The following SGCG variants were observed in gnomAD, a reference collection of about 807,000 sequenced individuals.
SGCG encodes gamma-sarcoglycan.
SGCG carries 26 observed loss-of-function variants against 29.3 expected under a neutral mutation model. The observed-to-expected ratio is 0.89, with a 90% CI of 0.65 to 1.23. The LOEUF is 1.23. Among genes scored for constraint, SGCG ranks in the 50% most tolerant of loss-of-function variants. The pLI is 0.00. For missense variants in SGCG, 353 were observed against 356.0 expected (o/e 0.99, Z 0.07); for synonymous variants, 145 against 129.7 (o/e 1.12, Z -0.80).
At chr13:23,272,662 T>C (rs956613169) in intron 4 of SGCG, among the ~76,000 whole-genome samples, 1 of 152,226 alleles carries the variant, frequency 6.6e-6, no homozygotes, top group Admixed American at 6.5e-5. Context: ...TTACTTTCAA[T>C]ACTCTGGAAT....
chr13:23,219,253 T>C (rs1053933780), intron 2 of SGCG, among the ~76,000 whole-genome samples: 1 of 152,074 alleles, frequency 6.6e-6, no homozygotes, highest in African/African-American at 2.4e-5. Context: ...TTCATCGTGT[T>C]AGCCAGGATG....
intron 4 of SGCG, among the ~76,000 whole-genome samples, chr13:23,252,660 C>T (rs922196850): frequency 1.3e-5 from 2 of 152,068 alleles, no homozygotes; most frequent in East Asian, 3.9e-4. Flanking sequence ...CACTGCACTC[C>T]AGCCTGGGCG....
At chr13:23,180,012 G>A (rs1025784818), upstream of SGCG, among the ~76,000 whole-genome samples, 2 of 151,880 alleles carry the variant, frequency 1.3e-5, no homozygotes, top group South Asian at 2.1e-4. Flanking sequence ...ACAGTTTTCC[G>A]AACCCCACCT....
At chr13:23,254,566 A>G (rs931291859) in intron 4 of SGCG, among the ~76,000 whole-genome samples, 2 of 152,230 alleles carry the variant, frequency 1.3e-5, no homozygotes, top group African/African-American at 4.8e-5. Context: ...AAGTTTGGAA[A>G]ATTTGCTGAT....
chr13:23,272,094 C>A (rs1880894862), intron 4 of SGCG, among the ~76,000 whole-genome samples: 2 of 152,116 alleles, frequency 1.3e-5, no homozygotes, highest in South Asian at 4.1e-4. Context: ...ATTATATCAT[C>A]TGCAAATATA....
chr13:23,244,595 C>G (rs1879627917), intron 3 of SGCG: 1 of 152,118 alleles, frequency 6.6e-6, no homozygotes, highest in Admixed American at 6.5e-5. Context: ...CACATTGTAA[C>G]CAGTGCGCAC....
At chr13:23,307,785 G>T (rs1882413046) in intron 6 of SGCG, among the ~76,000 whole-genome samples, 1 of 152,048 alleles carries the variant, frequency 6.6e-6, no homozygotes. Context: ...GCTCATCATT[G>T]TCATAAATCA....
chr13:23,161,705 C>G, the SGCG span, among the ~76,000 whole-genome samples: 1 of 152,216 alleles, frequency 6.6e-6, no homozygotes, highest in African/African-American at 2.4e-5. Flanking sequence ...CCTTTCATGA[C>G]AATATGCTTC....
the SGCG span, among the ~76,000 whole-genome samples, chr13:23,168,117 T>C: frequency 6.6e-6 from 1 of 152,170 alleles, no homozygotes; most frequent in Non-Finnish European, 1.5e-5. Flanking sequence ...TGGTTATTAA[T>C]CCCTTGTCAG....
chr13:23,271,095 C>A (rs958496619), intron 4 of SGCG, among the ~76,000 whole-genome samples: 2 of 152,022 alleles, frequency 1.3e-5, no homozygotes, highest in African/African-American at 2.4e-5. Flanking sequence ...GCCCGTAATC[C>A]CAGCTATTTG....
At chr13:23,166,928 C>CT in the SGCG span, among the ~76,000 whole-genome samples, 2 of 152,172 alleles carry the variant, frequency 1.3e-5, no homozygotes, top group Non-Finnish European at 2.9e-5. Flanking sequence ...CAATTATACT[C>CT]TTTTTATTTT....
intron 6 of SGCG, 52 bp downstream of exon 6, chr13:23,295,539 G>C: frequency 8.2e-7 from 1 of 1,213,456 alleles, no homozygotes; most frequent in South Asian, 1.2e-5. Flanking sequence ...AGACAAGAGG[G>C]TATGTGCTGG....
chr13:23,288,399 T>A (rs560784209), intron 5 of SGCG, among the ~76,000 whole-genome samples: 4 of 152,058 alleles, frequency 2.6e-5, no homozygotes, highest in Admixed American at 6.5e-5. Flanking sequence ...CTGCACCAAG[T>A]CCTAATCCTG....
chr13:23,323,254 A>G (rs781389527), intron 7 of SGCG, among the ~76,000 whole-genome samples: 2 of 152,234 alleles, frequency 1.3e-5, no homozygotes, highest in Non-Finnish European at 2.9e-5. Flanking sequence ...ATAATAACCT[A>G]AAGATTCTAC....
intron 2 of SGCG, among the ~76,000 whole-genome samples, chr13:23,232,842 C>G (rs1839087067): frequency 6.6e-6 from 1 of 152,058 alleles, no homozygotes; most frequent in Admixed American, 6.6e-5. Flanking sequence ...GTATGAAGCT[C>G]AGAACAGACT....
chr13:23,210,410 G>A (rs938084043), intron 2 of SGCG, among the ~76,000 whole-genome samples: 4 of 151,870 alleles, frequency 2.6e-5, no homozygotes, highest in Middle Eastern at 3.2e-3. Context: ...TAGATTTCAC[G>A]GCTGGGCGCG....
At chr13:23,175,345 A>G in the SGCG span, among the ~76,000 whole-genome samples, 10 of 152,160 alleles carry the variant, frequency 6.6e-5, no homozygotes, top group Non-Finnish European at 1.3e-4. Context: ...ATTTTATTCT[A>G]AGCCTTTCTG....
intron 6 of SGCG, among the ~76,000 whole-genome samples, chr13:23,316,986 C>T (rs1046675277): frequency 6.6e-6 from 1 of 152,126 alleles, no homozygotes; most frequent in Admixed American, 6.6e-5. Flanking sequence ...GTGGGCAGAT[C>T]ATGAGGTCAG....
At chr13:23,232,056 T>C (rs1407706032) in intron 2 of SGCG, among the ~76,000 whole-genome samples, 9 of 151,276 alleles carry the variant, frequency 5.9e-5, no homozygotes, top group Non-Finnish European at 7.4e-5. Flanking sequence ...GAGGTGGAGG[T>C]TGCAGTGAGC....
Sources: gnomAD v4.1 joint callset for allele counts (sites outside exome capture counted in the v4.1 genomes callset) on GRCh38, gnomAD v4.1.1 for gene constraint, MANE v1.5 for transcripts, NCBI Gene and HGNC (gene_info 2026-07-23, HGNC 2026-07-21) for gene names.